The following CTNNA3 variants were observed in gnomAD, a reference collection of about 807,000 sequenced individuals.
The protein encoded by CTNNA3 is catenin alpha 3.
In CTNNA3, 76 loss-of-function variants were observed where a neutral mutation model predicts 95.7. That is an observed-to-expected ratio of 0.79 (90% CI 0.66 to 0.96). CTNNA3 has a LOEUF of 0.96. Ranked by LOEUF, CTNNA3 falls within the 40% of genes least tolerant of loss-of-function variation. The pLI is 0.00. For missense variants in CTNNA3, 1,191 were observed against 1,089.8 expected, an observed-to-expected ratio of 1.09 and a Z score of -1.31; for synonymous variants, 431 against 374.4, an observed-to-expected ratio of 1.15 and a Z score of -1.74.
intron 13 of CTNNA3, among the ~76,000 whole-genome samples, chr10:66,156,301 T>C (rs1204160497): frequency 6.6e-6 from 1 of 151,998 alleles, no homozygotes. Context: ...AGAAATGTTC[T>C]ATATCTTGAC....
chr10:66,872,548 A>C (rs1356022286), intron 7 of CTNNA3, among the ~76,000 whole-genome samples: 1 of 152,068 alleles, frequency 6.6e-6, no homozygotes, highest in African/African-American at 2.4e-5. Context: ...GGGTGCCTGT[A>C]ATCCCAGCTA....
chr10:67,071,503 GTT>G (rs755653014), intron 7 of CTNNA3, among the ~76,000 whole-genome samples: 102 of 108,782 alleles, frequency 9.4e-4, no homozygotes, highest in African/African-American at 3.3e-3. Flanking sequence ...GCTCTTTAAA[GTT>G]TTTTTTGTTT....
At chr10:67,162,794 G>T (rs1382798806) in intron 7 of CTNNA3, among the ~76,000 whole-genome samples, 4 of 151,746 alleles carry the variant, frequency 2.6e-5, no homozygotes, top group Non-Finnish European at 4.4e-5. Context: ...AAATTTTTAA[G>T]ACCAGGAATG....
chr10:67,383,937 G>A (rs544111077), intron 5 of CTNNA3, among the ~76,000 whole-genome samples: 2 of 152,204 alleles, frequency 1.3e-5, no homozygotes, highest in East Asian at 3.9e-4. Flanking sequence ...TATCAAACCA[G>A]CTTTCTTGAT....
chr10:67,027,201 C>T (rs1853442036), intron 7 of CTNNA3, among the ~76,000 whole-genome samples: 2 of 151,870 alleles, frequency 1.3e-5, no homozygotes, highest in South Asian at 4.2e-4. Context: ...AGGAAGAAAA[C>T]AAAAGGAGGA....
At chr10:67,340,864 C>A (rs1183582414) in intron 5 of CTNNA3, among the ~76,000 whole-genome samples, 3 of 151,926 alleles carry the variant, frequency 2.0e-5, no homozygotes, top group Non-Finnish European at 4.4e-5. Flanking sequence ...TTTGATATTT[C>A]TTTTTGGTGT....
intron 3 of CTNNA3, among the ~76,000 whole-genome samples, chr10:67,564,693 AT>A (rs1841689585): frequency 1.3e-5 from 1 of 74,350 alleles, no homozygotes; most frequent in African/African-American, 5.5e-5. Context: ...ATATATATAT[AT>A]ATATATATAT....
At chr10:66,054,099 GTACCACAATTTCTTTATCCATTTATCCTT>G (rs2133547418) in intron 15 of CTNNA3, among the ~76,000 whole-genome samples, 1 of 152,192 alleles carries the variant, frequency 6.6e-6, no homozygotes, top group East Asian at 1.9e-4. Flanking sequence ...TTGTGTATAT[GTACCACAATTTCTTTATCCATTTATCCTT>G]TGATGGATAC....
At chr10:67,727,955 A>G (rs1841250402) in intron 1 of CTNNA3, among the ~76,000 whole-genome samples, 1 of 136,768 alleles carries the variant, frequency 7.3e-6, no homozygotes, top group Non-Finnish European at 1.5e-5. Context: ...TATAGTATGT[A>G]TAATATATAA....
intron 6 of CTNNA3, among the ~76,000 whole-genome samples, chr10:67,209,555 T>C (rs74142418): frequency 0.043 from 6,571 of 152,232 alleles, 179 homozygotes; most frequent in South Asian, 0.088. Context: ...TTTTCAAATA[T>C]GTATAAATAC....
At chr10:67,623,427 G>A (rs1296958561) in intron 2 of CTNNA3, among the ~76,000 whole-genome samples, 1 of 152,038 alleles carries the variant, frequency 6.6e-6, no homozygotes, top group African/African-American at 2.4e-5. Flanking sequence ...AGGGGGTTGT[G>A]GTCAAGGAGA....
intron 5 of CTNNA3, among the ~76,000 whole-genome samples, chr10:67,367,982 C>A (rs1196268414): frequency 6.6e-6 from 1 of 152,108 alleles, no homozygotes; most frequent in Non-Finnish European, 1.5e-5. Context: ...CAAATCTCAG[C>A]ATCACACAAC....
At chr10:67,600,999 G>A (rs547575704) in intron 3 of CTNNA3, among the ~76,000 whole-genome samples, 1 of 152,278 alleles carries the variant, frequency 6.6e-6, no homozygotes, top group East Asian at 1.9e-4. Context: ...TTAGAAGTCA[G>A]GATAGTGACA....
chr10:67,098,913 T>C (rs1858168984), intron 7 of CTNNA3: 1 of 151,924 alleles, frequency 6.6e-6, no homozygotes, highest in South Asian at 2.1e-4. Flanking sequence ...ACCGGTATTT[T>C]GGAAACATTT....
At chr10:66,801,660 T>TGTTACGTTTTCC (rs1364842528) in intron 7 of CTNNA3, among the ~76,000 whole-genome samples, 9 of 151,622 alleles carry the variant, frequency 5.9e-5, no homozygotes, top group African/African-American at 2.2e-4. Context: ...ATGTAAATAT[T>TGTTACGTTTTCC]GTTACGTTTT....
chr10:65,920,346 C>T lies in CTNNA3; in HGVS notation c.2672G>A (p.Gly891Glu). ...ATAGTGGTTTCAGTAGATTTGTCTT[C>T]CTCTAAATTCACTCATGACTTGCAA... ...HPLQVMSEFR[G>E]RQIY The change falls in exon 18 of 18, where the codon GGA becomes GAA. Residue 891 changes from glycine (G) to glutamate (E), a missense_variant. Physicochemically the swap from Gly to Glu is moderately conservative, Grantham distance 98. Transcript: ENST00000433211. The T allele has an allele frequency of 6.2e-7, 1 of 1,613,582 alleles. No homozygotes were observed. The highest frequency in any genetic ancestry group is 1.1e-5 in the South Asian group (1 of 91,052).
intron 6 of CTNNA3, among the ~76,000 whole-genome samples, chr10:67,211,843 T>C (rs2132243319): frequency 6.6e-6 from 1 of 152,238 alleles, no homozygotes; most frequent in Non-Finnish European, 1.5e-5. Flanking sequence ...TTGTACAAGT[T>C]ACACAACCTC....
chr10:66,081,979 A>T (rs1824673), intron 14 of CTNNA3, among the ~76,000 whole-genome samples: 42,842 of 151,546 alleles, frequency 0.28, 6,704 homozygotes, highest in South Asian at 0.43. Flanking sequence ...TTAGCTGGGC[A>T]TGGTGGTGGG....
intron 11 of CTNNA3, among the ~76,000 whole-genome samples, chr10:66,498,062 G>A (rs1840157669): frequency 6.6e-6 from 1 of 151,800 alleles, no homozygotes; most frequent in Non-Finnish European, 1.5e-5. Flanking sequence ...TTTTTAAGTA[G>A]AAATGTGATA....
Sources: allele counts gnomAD v4.1 joint callset (sites outside exome capture counted in the v4.1 genomes callset), GRCh38; gene constraint gnomAD v4.1.1; transcripts MANE v1.5; gene names NCBI Gene and HGNC (gene_info 2026-07-23, HGNC 2026-07-21).